Variants in CDH12 observed in about 807,000 individuals in gnomAD.
The protein encoded by CDH12 is cadherin 12.
In CDH12, 41 loss-of-function variants were observed where a neutral mutation model predicts 74.1. That is an observed-to-expected ratio of 0.55 (90% confidence interval 0.43 to 0.72). CDH12 has a LOEUF of 0.72. Among genes scored for constraint, CDH12 ranks in the 30% least tolerant of loss-of-function variants. CDH12 has a pLI of 0.00. For synonymous variants in CDH12, 399 were observed against 355.0 expected, an observed-to-expected ratio of 1.12 and a Z score of -1.39; for missense variants, 945 against 977.2, an observed-to-expected ratio of 0.97 and a Z score of 0.44.
chr5:22,456,244 A>ATGTG lies in CDH12; in HGVS notation c.-428+49022_-428+49025dup, dbSNP rs58290508. Among the ~76,000 whole-genome samples, 1,290 of 147,344 alleles carry ATGTG rather than the reference A, an allele frequency of 8.8e-3. 5 individuals are homozygous for ATGTG. Among genetic ancestry groups the ATGTG allele is most frequent in the South Asian group, 0.024 (112 of 4,622 alleles). ...TTTTTTAAATGTTTTGTCTATATAT[A>ATGTG]TGTGTGTGTGTGTGTGTGTGTGTGT... On this transcript the variant is annotated intron_variant, in intron 2 of 14. Coordinates refer to ENST00000382254, the MANE Select transcript of CDH12 (RefSeq NM_004061.5).
intron 1 of CDH12, among the ~76,000 whole-genome samples, chr5:22,525,438 T>C (rs1158414408): frequency 6.6e-6 from 1 of 150,690 alleles, no homozygotes; most frequent in East Asian, 2.0e-4. Flanking sequence ...TGGTTTCTGA[T>C]TAAATGGGCT....
chr5:22,307,005 G>GT (rs1447840226), intron 3 of CDH12, among the ~76,000 whole-genome samples: 3 of 152,120 alleles, frequency 2.0e-5, no homozygotes, highest in African/African-American at 7.2e-5. Flanking sequence ...TTATTTCTGA[G>GT]TAGAACTAAG....
At chr5:22,073,556 T>C (rs1478964262) in intron 5 of CDH12, among the ~76,000 whole-genome samples, 1 of 152,166 alleles carries the variant, frequency 6.6e-6, no homozygotes, top group Non-Finnish European at 1.5e-5. Context: ...GTACAAATTT[T>C]TGCAGATAAA....
intron 4 of CDH12, among the ~76,000 whole-genome samples, chr5:22,138,392 T>C (rs1054007652): frequency 1.3e-5 from 2 of 151,728 alleles, no homozygotes; most frequent in Non-Finnish European, 2.9e-5. Context: ...TTAAAACCAA[T>C]TCAGAACACA....
rs74454480 is a variant in CDH12 at position 22,036,645 on chromosome 5, T to A, written c.231+41801A>T. ...ATGCAGATTTTTAGAGGCATGAAAA[T>A]GTTAATGAGACTTATGTACACAGAA... On this transcript the variant is annotated intron_variant, in intron 5 of 14. Coordinates refer to ENST00000382254, the MANE Select transcript of CDH12 (RefSeq NM_004061.5). 3.9e-3 allele frequency among the ~76,000 whole-genome samples: 598 copies of A among 152,264 alleles called. 3 individuals are homozygous for A. Among genetic ancestry groups the A allele is most frequent in the African/African-American group, 0.014 (561 of 41,540 alleles).
At chr5:22,812,972 G>A (rs1749221532) in intron 1 of CDH12, among the ~76,000 whole-genome samples, 1 of 152,068 alleles carries the variant, frequency 6.6e-6, no homozygotes, top group Non-Finnish European at 1.5e-5. Context: ...CTTGCAGAAG[G>A]GGTTACCATC....
In CDH12 at chr5:22,373,933, C is replaced by G. The variant is rs1011877875; in HGVS notation, c.-333+31324G>C. On this transcript the variant is annotated intron_variant, in intron 3 of 14. Coordinates refer to ENST00000382254, the MANE Select transcript of CDH12 (RefSeq NM_004061.5). ...CAGGAACACTGTAATGCTCCAATAA[C>G]AGATTCAAACAAAAAATGTTCACAA... Among the ~76,000 whole-genome samples the G allele has an allele frequency of 3.3e-5, 5 of 152,086 alleles. No homozygotes were observed. In the South Asian group the frequency reaches 8.3e-4, roughly 25 times the overall value.
chr5:22,681,364 A>T (rs1176570731), intron 1 of CDH12, among the ~76,000 whole-genome samples: 2 of 150,814 alleles, frequency 1.3e-5, no homozygotes, highest in African/African-American at 4.9e-5. Context: ...GCCATGTTTC[A>T]TTTTTTTCCT....
intron 4 of CDH12, among the ~76,000 whole-genome samples, chr5:22,208,754 T>C (rs1477093966): frequency 1.3e-5 from 2 of 152,066 alleles, no homozygotes; most frequent in South Asian, 4.1e-4. Context: ...CCTAGACACA[T>C]GGTTATATTT....
At chr5:22,704,747 A>G (rs148877732) in intron 1 of CDH12, among the ~76,000 whole-genome samples, 5,145 of 152,068 alleles carry the variant, frequency 0.034, 178 homozygotes, top group Admixed American at 0.092. Context: ...ATAAACCTCA[A>G]TTTTTTAGGC....
At chr5:22,394,891 G>A (rs550836833) in intron 3 of CDH12, among the ~76,000 whole-genome samples, 2 of 152,220 alleles carry the variant, frequency 1.3e-5, no homozygotes, top group East Asian at 3.9e-4. Flanking sequence ...TAAATTTAGA[G>A]TTTGTGCTAT....
chr5:21,829,022 G>A (rs929922349), intron 8 of CDH12, among the ~76,000 whole-genome samples: 12 of 151,262 alleles, frequency 7.9e-5, no homozygotes, highest in South Asian at 2.1e-4. Flanking sequence ...CTCTCTGGGC[G>A]CAGTGGCTCA....
chr5:21,849,722 A>G (rs902829176), intron 7 of CDH12, among the ~76,000 whole-genome samples: 2 of 151,846 alleles, frequency 1.3e-5, no homozygotes, highest in East Asian at 3.9e-4. Flanking sequence ...GAGGTGTCTT[A>G]CTCAGTTCTA....
At chr5:22,713,229 C>T (rs1007616204) in intron 1 of CDH12, among the ~76,000 whole-genome samples, 1 of 147,636 alleles carries the variant, frequency 6.8e-6, no homozygotes, top group Non-Finnish European at 1.5e-5. Flanking sequence ...CAACCTACGC[C>T]TCCCAGGTTC....
chr5:22,794,625 T>A (rs991780695), intron 1 of CDH12, among the ~76,000 whole-genome samples: 1 of 152,026 alleles, frequency 6.6e-6, no homozygotes, highest in Non-Finnish European at 1.5e-5. Context: ...TTAGAGAGAA[T>A]AGAAAAAAAT....
At chr5:22,292,004 A>G (rs558898952) in intron 3 of CDH12, among the ~76,000 whole-genome samples, 1 of 152,318 alleles carries the variant, frequency 6.6e-6, no homozygotes, top group East Asian at 1.9e-4. Context: ...GCATAAAAAG[A>G]GACTCAAAAA....
rs869248894 is a variant in CDH12, at chr5:22,191,554, C to CTTTTTTTTTTTTTTTTTTTT, written c.-187+20943_-187+20944insAAAAAAAAAAAAAAAAAAAA. 7.2e-5 allele frequency among the ~76,000 whole-genome samples: 4 copies of CTTTTTTTTTTTTTTTTTTTT among 55,202 alleles called. 2 individuals carry two copies. The highest frequency in any genetic ancestry group is 1.2e-4 in the African/African-American group (2 of 16,480). The allele number at this position is 55,202 out of a possible 152,430, so 36.2% of individuals were successfully genotyped here. A position where few individuals can be genotyped will look rare whatever the true frequency, so the allele number is the denominator to read the frequency against. On this transcript the variant is annotated intron_variant, in intron 4 of 14. Transcript: ENST00000382254. ...TAAGTTGTCTATATACACCAATGGT[C>CTTTTTTTTTTTTTTTTTTTT]TTTTTATTTTTATTTTTTTTTTTTT...
At chr5:21,955,776 A>C (rs1455042309) in intron 6 of CDH12, among the ~76,000 whole-genome samples, 2 of 152,092 alleles carry the variant, frequency 1.3e-5, no homozygotes, top group Admixed American at 1.3e-4. Context: ...TGGATCCACT[A>C]CTTGGGTTTG....
chr5:21,759,330 G>C (rs1744582263), intron 13 of CDH12, among the ~76,000 whole-genome samples: 1 of 151,362 alleles, frequency 6.6e-6, no homozygotes, highest in Admixed American at 6.6e-5. Context: ...TATTTTTAAA[G>C]AGTTTCATTC....
Sources: allele counts gnomAD v4.1 joint callset (sites outside exome capture counted in the v4.1 genomes callset), GRCh38; gene constraint gnomAD v4.1.1; transcripts MANE v1.5; gene names NCBI Gene and HGNC (gene_info 2026-07-23, HGNC 2026-07-21).